The following CBLC variants were observed in gnomAD, a reference collection of about 807,000 sequenced individuals.
The protein encoded by CBLC is Cbl proto-oncogene C.
CBLC carries 46 observed loss-of-function variants against 58.6 expected under a neutral mutation model. The ratio of observed to expected loss-of-function variants is 0.79; its 90% CI spans 0.62 to 1.00. The LOEUF is 1.00. CBLC is among the 50% of genes least tolerant of loss of function. The pLI is 0.00. For synonymous variants in CBLC, 271 were observed against 264.2 expected, an observed-to-expected ratio of 1.03 and a Z score of -0.25; for missense variants, 655 against 625.8, an observed-to-expected ratio of 1.05 and a Z score of -0.50.
At chr19:44,782,989 G>C (rs916907423) in intron 4 of CBLC, among the ~76,000 whole-genome samples, 6 of 152,226 alleles carry the variant, frequency 3.9e-5, no homozygotes, top group Admixed American at 1.3e-4. Flanking sequence ...GAGGTGCAGG[G>C]GTAGGACGGT....
At position 44,777,890 on chromosome 19, in the gene CBLC, A is replaced by T. The variant is rs1318256808; in HGVS notation, c.-42A>T. 2 of 1,473,614 alleles carry T rather than the reference A, an allele frequency of 1.4e-6. No individual in the cohort carries two copies. Among genetic ancestry groups the T allele is most frequent in the Non-Finnish European group, 1.8e-6 (2 of 1,120,132 alleles). 91.3% of individuals were successfully genotyped at this position (1,473,614 alleles called of 1,614,324 possible). On this transcript the variant is annotated 5_prime_UTR_variant, in exon 1 of 11. Coordinates refer to ENST00000647358, the MANE Select transcript of CBLC (RefSeq NM_012116.4). ...TTTCACTCTGGGCGAGGCCGCCCCT[A>T]TCCCAGCCGCACCGGTCCTTCCCGG... is the stretch of plus-strand genomic sequence containing the variant.
chr19:44,784,234 T>C (rs1967824878), intron 4 of CBLC, 30 bp from the exon 5 acceptor site: 5 of 1,549,540 alleles, frequency 3.2e-6, no homozygotes, highest in Non-Finnish European at 4.4e-6. Flanking sequence ...GACCACTCCC[T>C]CACCCCATCC....
At position 44,798,701 on chromosome 19, in the gene CBLC, A is replaced by G. The variant is rs1968227729; in HGVS notation, c.1363-1680A>G. On this transcript the variant is annotated intron_variant, in intron 9 of 10. Coordinates refer to ENST00000647358, the MANE Select transcript of CBLC (RefSeq NM_012116.4). ...CAGTGAGCCAAGATTGTGCCACTGC[A>G]CTCTAGCCTGGGCGACGGTGCAAAA... Among the ~76,000 whole-genome samples, 3 of 151,988 alleles carry G rather than the reference A, an allele frequency of 2.0e-5. No individual in the cohort carries two copies. In the South Asian group the frequency reaches 6.2e-4, roughly 32 times the overall value.
intron 3 of CBLC, 64 bp downstream of exon 3, chr19:44,781,427 G>A: frequency 1.3e-6 from 2 of 1,511,732 alleles, no homozygotes; most frequent in Non-Finnish European, 1.8e-6. Flanking sequence ...GCTGAATCCT[G>A]GATTCCTGGG....
At chr19:44,795,718 G>A (rs1441223502) in intron 9 of CBLC, among the ~76,000 whole-genome samples, 3 of 152,096 alleles carry the variant, frequency 2.0e-5, no homozygotes, top group Non-Finnish European at 2.9e-5. Context: ...TTCGCCACCC[G>A]GCAGAGCTTA....
At chr19:44,781,157 T>C (rs917964274) in intron 2 of CBLC, 50 bp from the exon 3 acceptor site, 2 of 1,578,590 alleles carry the variant, frequency 1.3e-6, no homozygotes, top group African/African-American at 1.3e-5. Context: ...CCTCCCATCA[T>C]AGGCTCTGGG....
At position 44,784,348 on chromosome 19, in the gene CBLC, C is replaced by A; in HGVS notation, c.864C>A (p.Ile288=). ...CAGATGGCAGCATCCTGCAGACCAT[C>A]CCTGCCAACAAACCCCTGTCCCAGG... is the stretch of plus-strand genomic sequence containing the variant. ...VSSDGSILQT[I]PANKPLSQVL... is the part of the protein sequence containing the mutation. The change falls in exon 5 of 11, where the codon ATC becomes ATA. Residue 288 remains isoleucine (I), a synonymous_variant. Coordinates refer to ENST00000647358, the MANE Select transcript of CBLC (RefSeq NM_012116.4). 6.2e-7 allele frequency: 1 copy of A among 1,602,036 alleles called. No individual in the cohort carries two copies. The highest frequency in any genetic ancestry group is 8.5e-7 in the Non-Finnish European group (1 of 1,170,330).
At chr19:44,799,059 G>A (rs1968234602) in intron 9 of CBLC, among the ~76,000 whole-genome samples, 1 of 152,144 alleles carries the variant, frequency 6.6e-6, no homozygotes, top group Non-Finnish European at 1.5e-5. Context: ...ACTTGCTCTG[G>A]GACATTTCCT....
rs202017125 is a variant in CBLC at position 44,782,295 on chromosome 19, C to T, written c.658-75C>T. 259 of 1,586,714 alleles carry T rather than the reference C, an allele frequency of 1.6e-4. 1 individual carries two copies. Among genetic ancestry groups the T allele is most frequent in the Middle Eastern group, 3.4e-4 (2 of 5,932 alleles). ...GGTGTGAAGGAGGTGGTTGGATCCT[C>T]GAGCCCTAGGGACTACTTAGGGATG... On this transcript the variant is annotated intron_variant, in intron 3 of 10. Transcript: ENST00000647358.
In CBLC at chr19:44,790,054, GC is replaced by G; in HGVS notation, c.970del (p.Gln324ArgfsTer38). On this transcript the variant is annotated frameshift_variant, in exon 6 of 11. Transcript: ENST00000647358. LOFTEE classifies it high-confidence loss of function. ...KTHNPDLTEL[G>X]QAEPQQRIHV... is the part of the protein sequence containing the mutation. ...CACAACCCAGACCTGACTGAGCTCG[GC>G]CAGGCAGAACCCCAGCAGCGCATCC... The G allele has an allele frequency of 6.2e-7, 1 of 1,614,014 alleles. No homozygotes were observed. The highest frequency in any genetic ancestry group is 1.1e-5 in the South Asian group (1 of 91,078).
chr19:44,792,339 T>C (rs200842886), intron 6 of CBLC, 44 bp from the exon 7 acceptor site: 31 of 1,608,524 alleles, frequency 1.9e-5, no homozygotes, highest in Non-Finnish European at 2.5e-5. Context: ...TCCCCGTGGC[T>C]GACGCATGCC....
chr19:44,789,720 G>T (rs1967997064), intron 5 of CBLC, among the ~76,000 whole-genome samples: 1 of 152,098 alleles, frequency 6.6e-6, no homozygotes, highest in Admixed American at 6.6e-5. Context: ...TCGTTTTCTG[G>T]TTCTTAGTCT....
chr19:44,780,971 C>T lies in CBLC; in HGVS notation c.420C>T (p.Pro140=), dbSNP rs374333860. ...ACGCAGAGCTGCACGCACTCTTCCC[C>T]GGGGGAAAGTACTGTGGACACATGT... The part of the protein sequence containing the change: ...HMHAELHALF[P]GGKYCGHMYQ... The change falls in exon 2 of 11, where the codon CCC becomes CCT. Residue 140 remains proline, a synonymous_variant. Coordinates refer to ENST00000647358, the MANE Select transcript of CBLC (RefSeq NM_012116.4). The T allele has an allele frequency of 1.7e-4, 282 of 1,613,428 alleles. 1 individual carries two copies. Among genetic ancestry groups the T allele is most frequent in the African/African-American group, 2.3e-4 (17 of 74,936 alleles).
In CBLC at chr19:44,778,181, C is replaced by T; in HGVS notation, c.250C>T (p.Leu84=). ...CTCTGGGGACTTTCTACTCATCTAC[C>T]TGGCCAATCTGGAGGCCAAGAGCAG... ...GGSGDFLLIY[L]ANLEAKSRQV... Residue 84 remains leucine (L), a synonymous_variant, in exon 1 of 11, where the codon CTG becomes TTG. Transcript: ENST00000647358. 6.5e-7 allele frequency: 1 copy of T among 1,532,212 alleles called. No homozygotes were observed. Among genetic ancestry groups the T allele is most frequent in the Non-Finnish European group, 8.8e-7 (1 of 1,142,624 alleles). The allele number at this position is 1,532,212 out of a possible 1,614,324, so 94.9% of individuals were successfully genotyped here.
intron 5 of CBLC, among the ~76,000 whole-genome samples, chr19:44,787,076 T>C: frequency 6.7e-6 from 1 of 150,158 alleles, no homozygotes; most frequent in East Asian, 2.0e-4. Context: ...CAGAGTGAGA[T>C]TCCATCTCAA....
At chr19:44,788,171 G>A (rs968571273) in intron 5 of CBLC, among the ~76,000 whole-genome samples, 4 of 151,972 alleles carry the variant, frequency 2.6e-5, no homozygotes, top group African/African-American at 4.8e-5. Flanking sequence ...CTGGAGTGCA[G>A]TGACATGAAC....
In CBLC at chr19:44,784,241, A is replaced by G. The variant is rs191161363; in HGVS notation, c.780-23A>G. ...ATGGCAGTGACCACTCCCTCACCCC[A>G]TCCTACCTACCTCTCCCTCCAGTTA... is the stretch of plus-strand genomic sequence containing the variant. On this transcript the variant is annotated intron_variant, in intron 4 of 10. Coordinates refer to ENST00000647358, the MANE Select transcript of CBLC (RefSeq NM_012116.4). The G allele has an allele frequency of 1.3e-5, 21 of 1,556,756 alleles. No individual in the cohort carries two copies. The Middle Eastern group carries it at 5.1e-4, about 38-fold the overall frequency.
intron 5 of CBLC, among the ~76,000 whole-genome samples, chr19:44,788,391 G>C (rs1274736288): frequency 6.6e-6 from 1 of 151,368 alleles, no homozygotes; most frequent in Non-Finnish European, 1.5e-5. Context: ...CTCTCAGAGT[G>C]CTGGGATTCA....
chr19:44,792,430 C>T lies in CBLC; in HGVS notation c.1053C>T (p.Cys351=). The part of the protein sequence containing the change: ...YWAMDSTFEL[C]KICAESNKDV... ...CCATGGACTCCACATTTGAGCTCTG[C>T]AAGATCTGTGCTGAGAGCAACAAGG... Residue 351 remains cysteine (C), a synonymous_variant, in exon 7 of 11, where the codon TGC becomes TGT. Transcript: ENST00000647358. The T allele has an allele frequency of 1.2e-6, 2 of 1,613,700 alleles. No homozygotes were observed. Among genetic ancestry groups the T allele is most frequent in the Non-Finnish European group, 1.7e-6 (2 of 1,179,922 alleles).
Sources: gnomAD v4.1 joint callset for allele counts (sites outside exome capture counted in the v4.1 genomes callset) on GRCh38, gnomAD v4.1.1 for gene constraint, MANE v1.5 for transcripts, NCBI Gene and HGNC (gene_info 2026-07-23, HGNC 2026-07-21) for gene names.